EPHA7: variants seen among roughly 807,000 people sequenced by gnomAD.
EPHA7 encodes the protein ephrin type-A receptor 7.
EPHA7 carries 25 observed loss-of-function variants against 112.6 expected under a neutral mutation model. The observed-to-expected ratio is 0.22, with a 90% confidence interval of 0.16 to 0.31. EPHA7 has a LOEUF of 0.31. Ranked by LOEUF, EPHA7 falls within the 10% of genes least tolerant of loss-of-function variation. The pLI, the probability that EPHA7 is intolerant of heterozygous loss-of-function variation, is 1.00. For synonymous variants in EPHA7, 437 were observed against 406.5 expected (o/e 1.07, Z -0.90); for missense variants, 962 against 1,212.6 (o/e 0.79, Z 3.07).
intron 14 of EPHA7, among the ~76,000 whole-genome samples, chr6:93,252,230 T>G (rs1156272811): frequency 6.6e-6 from 1 of 152,024 alleles, no homozygotes; most frequent in African/African-American, 2.4e-5. Context: ...TAACCATCAC[T>G]GTACATCTTG....
intron 5 of EPHA7, among the ~76,000 whole-genome samples, chr6:93,339,503 A>C (rs546969325): frequency 2.0e-5 from 3 of 151,910 alleles, no homozygotes; most frequent in South Asian, 2.1e-4. Context: ...ATTTTTTCAT[A>C]TATTGCTTCA....
chr6:93,379,206 C>A lies in EPHA7; in HGVS notation c.833-20795G>T, dbSNP rs547341495. 2.1e-3 allele frequency among the ~76,000 whole-genome samples: 317 copies of A among 152,116 alleles called. 2 individuals carry two copies. The highest frequency in any genetic ancestry group is 3.0e-3 in the Non-Finnish European group (201 of 67,936). On this transcript the variant is annotated intron_variant, in intron 3 of 16. Transcript: ENST00000369303. ...AAAATCAAATTTGCTTTAATACAGA[C>A]TTACTCTAATTGAAGGTTAATTCTG...
At chr6:93,357,101 A>AAC in intron 4 of EPHA7, 49 bp from the exon 5 acceptor site, 1 of 1,417,428 alleles carries the variant, frequency 7.1e-7, no homozygotes, top group Non-Finnish European at 9.5e-7. Flanking sequence ...TAGAAAAAAA[A>AAC]ACATACAAAC....
intron 3 of EPHA7, among the ~76,000 whole-genome samples, chr6:93,385,183 C>T (rs1582641520): frequency 6.6e-6 from 1 of 152,020 alleles, no homozygotes; most frequent in Admixed American, 6.6e-5. Context: ...AAATGAAATT[C>T]ATTCCCACAA....
chr6:93,247,540 G>A (rs1017413180), intron 14 of EPHA7, among the ~76,000 whole-genome samples: 3 of 152,100 alleles, frequency 2.0e-5, no homozygotes, highest in African/African-American at 7.2e-5. Context: ...AGGTTGTACT[G>A]GTTTATGAGT....
chr6:93,289,293 G>GA (rs1161370382), intron 5 of EPHA7, among the ~76,000 whole-genome samples: 1 of 152,078 alleles, frequency 6.6e-6, no homozygotes, highest in Non-Finnish European at 1.5e-5. Context: ...TGTATAGTTA[G>GA]AATAACAACT....
intron 5 of EPHA7, among the ~76,000 whole-genome samples, chr6:93,338,961 A>G (rs1386538994): frequency 6.7e-6 from 1 of 149,508 alleles, no homozygotes; most frequent in Non-Finnish European, 1.5e-5. Context: ...ATCAAATTTT[A>G]TGTTAAATTA....
chr6:93,316,187 C>T (rs972398404), intron 5 of EPHA7, among the ~76,000 whole-genome samples: 2 of 152,104 alleles, frequency 1.3e-5, no homozygotes, highest in African/African-American at 4.8e-5. Flanking sequence ...TCCCTCAAAC[C>T]ATAACTGGTA....
intron 5 of EPHA7, among the ~76,000 whole-genome samples, chr6:93,322,144 C>T (rs1027896003): frequency 2.6e-5 from 4 of 151,792 alleles, no homozygotes; most frequent in Admixed American, 1.3e-4. Context: ...ATTTTATAAA[C>T]ACGCAAACAT....
chr6:93,366,434 C>T (rs1260115650), intron 3 of EPHA7, among the ~76,000 whole-genome samples: 1 of 152,150 alleles, frequency 6.6e-6, no homozygotes, highest in African/African-American at 2.4e-5. Flanking sequence ...AACAAGAACA[C>T]AGTAATGAAA....
Position 93,283,505 on chromosome 6 carries a change from A to G in EPHA7, c.1325-11083T>C, listed in dbSNP as rs1297179524. On this transcript the variant is annotated intron_variant, in intron 5 of 16. Coordinates refer to ENST00000369303, the MANE Select transcript of EPHA7 (RefSeq NM_004440.4). ...GGTCCACATTGCCTTTATGAGCTGT[A>G]ACAATCAATGCGAAGGTCTGCAGCT... is the stretch of plus-strand genomic sequence containing the variant. Among the ~76,000 whole-genome samples the G allele has an allele frequency of 2.0e-5, 3 of 152,208 alleles. No individual in the cohort carries two copies. In the East Asian group the frequency reaches 5.8e-4, roughly 29 times the overall value.
chr6:93,241,941 C>T lies in EPHA7; in HGVS notation c.*1485G>A, dbSNP rs546578289. 12 of 215,158 alleles carry T rather than the reference C, an allele frequency of 5.6e-5. No individual in the cohort carries two copies. The highest frequency in any genetic ancestry group is 1.1e-4 in the African/African-American group (5 of 44,386). 13.3% of individuals were successfully genotyped at this position (215,158 alleles called of 1,614,324 possible). ...ATTATCAAACAAGACCAATTATGAC[C>T]GATCCCTGGGATCTTTCTCTATTAA... On this transcript the variant is annotated 3_prime_UTR_variant, in exon 17 of 17. Transcript: ENST00000369303.
chr6:93,387,962 GATAGATAGA>G (rs1777708182), intron 3 of EPHA7, among the ~76,000 whole-genome samples: 2 of 151,670 alleles, frequency 1.3e-5, no homozygotes, highest in Admixed American at 6.6e-5. Context: ...TAGATAGATA[GATAGATAGA>G]TAGATAGAAT....
At chr6:93,261,129 T>A (rs1042613897) in intron 9 of EPHA7, among the ~76,000 whole-genome samples, 4 of 151,576 alleles carry the variant, frequency 2.6e-5, no homozygotes, top group African/African-American at 9.7e-5. Context: ...CCAGCTTGGA[T>A]TTGAAGACAT....
Position 93,334,923 on chromosome 6 carries a change from AT to A in EPHA7, c.1324+21793del, listed in dbSNP as rs201337419. ...GTATGCATCACTTTTATTAGAATTG[AT>A]TTTTTTTCCCCAGAAATAGGACAAC... On this transcript the variant is annotated intron_variant, in intron 5 of 16. Transcript: ENST00000369303. Among the ~76,000 whole-genome samples, 48 of 152,048 alleles carry A rather than the reference AT, an allele frequency of 3.2e-4. 1 individual carries two copies. The South Asian group carries it at 8.9e-3, about 28-fold the overall frequency.
intron 2 of EPHA7, among the ~76,000 whole-genome samples, chr6:93,414,492 A>T (rs1479496255): frequency 6.6e-6 from 1 of 150,482 alleles, no homozygotes; most frequent in African/African-American, 2.5e-5. Context: ...GACTATGGCT[A>T]TGAGGTTTTT....
At chr6:93,346,585 A>T (rs1293755375) in intron 5 of EPHA7, among the ~76,000 whole-genome samples, 1 of 151,786 alleles carries the variant, frequency 6.6e-6, no homozygotes, top group East Asian at 1.9e-4. Context: ...GTTATTTTTT[A>T]TGATTTATAA....
intron 5 of EPHA7, among the ~76,000 whole-genome samples, chr6:93,348,643 C>T (rs164536): frequency 0.37 from 55,539 of 151,480 alleles, 11,376 homozygotes; most frequent in East Asian, 0.56. Flanking sequence ...GTTTTAGGAC[C>T]AAATTGCAAA....
intron 2 of EPHA7, among the ~76,000 whole-genome samples, chr6:93,412,068 C>T (rs1779002335): frequency 6.6e-6 from 1 of 152,000 alleles, no homozygotes; most frequent in African/African-American, 2.4e-5. Flanking sequence ...TTCTGTCGCT[C>T]ATTAATCAAT....
Sources: allele counts gnomAD v4.1 joint callset (sites outside exome capture counted in the v4.1 genomes callset), GRCh38; gene constraint gnomAD v4.1.1; transcripts MANE v1.5; gene names NCBI Gene and HGNC (gene_info 2026-07-23, HGNC 2026-07-21).